Variants in PEDS1 observed in about 807,000 individuals in gnomAD.
PEDS1 encodes the protein CarF homolog.
In PEDS1, 14 loss-of-function variants were observed where a neutral mutation model predicts 35.2. That is an observed-to-expected ratio of 0.40 (90% CI 0.26 to 0.62). PEDS1 has a LOEUF of 0.62. Ranked by LOEUF, PEDS1 falls within the 20% of genes least tolerant of loss-of-function variation. The pLI is 0.44. For missense variants in PEDS1, 260 were observed against 367.8 expected, an observed-to-expected ratio of 0.71 and a Z score of 2.40; for synonymous variants, 152 against 152.0, an observed-to-expected ratio of 1.00 and a Z score of 0.00.
At chr20:50,130,793 A>T in intron 3 of PEDS1, 63 bp downstream of exon 3, 3 of 1,585,586 alleles carry the variant, frequency 1.9e-6, no homozygotes, top group Non-Finnish European at 2.6e-6. Context: ...AAGAAAGGGG[A>T]CTCACTCAAG....
intron 5 of PEDS1, 87 bp downstream of exon 5, chr20:50,127,888 C>G (rs757169741): frequency 2.8e-5 from 42 of 1,524,486 alleles, no homozygotes; most frequent in Non-Finnish European, 3.7e-5. Context: ...TGTGTGACCT[C>G]CTGCTGTGAT....
chr20:50,133,570 G>A (rs2081201359), intron 2 of PEDS1, among the ~76,000 whole-genome samples: 1 of 152,170 alleles, frequency 6.6e-6, no homozygotes, highest in Admixed American at 6.5e-5. Context: ...GGGCAGGGGC[G>A]GGGATGTAGA....
At chr20:50,153,463 G>A in intron 1 of PEDS1, 54 bp downstream of exon 1, 7 of 1,276,910 alleles carry the variant, frequency 5.5e-6, no homozygotes, top group Non-Finnish European at 7.0e-6. Context: ...TGGGGTCGCT[G>A]TCCGCAGCCG....
chr20:50,130,715 C>T, intron 3 of PEDS1, 141 bp downstream of exon 3: 1 of 1,065,824 alleles, frequency 9.4e-7, no homozygotes. Context: ...TCTAGTCTTG[C>T]AGCACAGGGG....
chr20:50,148,462 T>C (rs1211989311), intron 1 of PEDS1, among the ~76,000 whole-genome samples: 1 of 152,176 alleles, frequency 6.6e-6, no homozygotes, highest in Non-Finnish European at 1.5e-5. Context: ...GCCCCTGGCT[T>C]GGCAGGGTTT....
rs1218386212 is a variant in PEDS1 at position 50,122,086 on chromosome 20, T to G, written c.*2972A>C. ...TGAGAGCCTGCCCTGGGACTTCCAC[T>G]GCAACTACTGGGAATGCACTTTCCA... is the stretch of plus-strand genomic sequence containing the variant. On this transcript the variant is annotated 3_prime_UTR_variant, in exon 6 of 6. Transcript: ENST00000371652. The G allele has an allele frequency of 6.6e-6, 1 of 152,250 alleles. No individual in the cohort carries two copies. Among genetic ancestry groups the G allele is most frequent in the African/African-American group, 2.4e-5 (1 of 41,462 alleles). 9.4% of individuals were successfully genotyped at this position (152,250 alleles called of 1,614,324 possible). A position where few individuals can be genotyped will look rare whatever the true frequency, so the allele number is the denominator to read the frequency against.
chr20:50,134,446 C>T (rs868131835), intron 2 of PEDS1, among the ~76,000 whole-genome samples: 2 of 152,208 alleles, frequency 1.3e-5, no homozygotes, highest in African/African-American at 4.8e-5. Context: ...ACTCAGGAGG[C>T]TGAGGCAGGA....
intron 1 of PEDS1, chr20:50,151,271 C>T (rs1468523914): frequency 7.7e-7 from 1 of 1,304,342 alleles, no homozygotes. Context: ...AGGCTGTCTG[C>T]AGACTCTGAT....
chr20:50,132,178 G>C (rs1184717281), intron 2 of PEDS1, among the ~76,000 whole-genome samples: 1 of 152,220 alleles, frequency 6.6e-6, no homozygotes, highest in East Asian at 1.9e-4. Flanking sequence ...ACTCCTGCCT[G>C]GCCAACAGAG....
intron 2 of PEDS1, among the ~76,000 whole-genome samples, chr20:50,135,658 CAAAA>C (rs34069451): frequency 1.3e-4 from 5 of 37,854 alleles, no homozygotes; most frequent in Non-Finnish European, 2.4e-4. Flanking sequence ...AACTCCATCT[CAAAA>C]AAAAAAAAAA....
chr20:50,141,040 G>A (rs1034998539), intron 2 of PEDS1, among the ~76,000 whole-genome samples: 25 of 152,156 alleles, frequency 1.6e-4, no homozygotes, highest in African/African-American at 5.6e-4. Flanking sequence ...GGGAGATAGT[G>A]ACCTACCTGG....
chr20:50,126,823 T>C (rs1040377044), intron 5 of PEDS1, among the ~76,000 whole-genome samples: 1 of 152,204 alleles, frequency 6.6e-6, no homozygotes, highest in Non-Finnish European at 1.5e-5. Flanking sequence ...TTTCCCTTCC[T>C]CCACTGCACT....
At chr20:50,133,853 A>G (rs1218786139) in intron 2 of PEDS1, among the ~76,000 whole-genome samples, 1 of 152,208 alleles carries the variant, frequency 6.6e-6, no homozygotes, top group Non-Finnish European at 1.5e-5. Flanking sequence ...GGAGAAGTTG[A>G]ACCACTGCCT....
At position 50,118,909 on chromosome 20, in the gene PEDS1, C is replaced by G. The variant is rs1443381916; in HGVS notation, c.*6149G>C. On this transcript the variant is annotated 3_prime_UTR_variant, in exon 6 of 6. Transcript: ENST00000371652. The stretch of plus-strand genomic sequence containing the variant: ...TACAGGCGTGAGCTACCACACCCAG[C>G]CACATTTTTACATGTGAACTTCTGA... 6.6e-6 allele frequency: 1 copy of G among 152,146 alleles called. No individual in the cohort carries two copies. The highest frequency in any genetic ancestry group is 2.4e-5 in the African/African-American group (1 of 41,422). The allele number at this position is 152,146 out of a possible 1,614,324, so 9.4% of individuals were successfully genotyped here.
At chr20:50,139,201 G>A (rs1360540742) in intron 2 of PEDS1, among the ~76,000 whole-genome samples, 1 of 152,044 alleles carries the variant, frequency 6.6e-6, no homozygotes, top group South Asian at 2.1e-4. Context: ...CCCTCTGCCC[G>A]GAAGGCTTCT....
rs1297452201 is a variant in PEDS1 at position 50,122,961 on chromosome 20, G to T, written c.*2097C>A. ...AAAAAAAAAAAAAATAGCCAAGCCA[G>T]GTGTGGCGGCATGTGCTAGTCCCAG... On this transcript the variant is annotated 3_prime_UTR_variant, in exon 6 of 6. Transcript: ENST00000371652. 1 of 151,468 alleles carries T rather than the reference G, an allele frequency of 6.6e-6. No individual in the cohort carries two copies. The highest frequency in any genetic ancestry group is 1.9e-4 in the East Asian group (1 of 5,176). The allele number at this position is 151,468 out of a possible 1,614,324, so 9.4% of individuals were successfully genotyped here. A position where few individuals can be genotyped will look rare whatever the true frequency, so the allele number is the denominator to read the frequency against.
At chr20:50,150,840 G>T (rs1199997787) in intron 1 of PEDS1, among the ~76,000 whole-genome samples, 1 of 151,890 alleles carries the variant, frequency 6.6e-6, no homozygotes, top group Non-Finnish European at 1.5e-5. Flanking sequence ...GGATTACAGG[G>T]GCCTGCCACC....
Position 50,130,284 on chromosome 20 carries a change from GAGA to G in PEDS1, c.333+569_333+571del, listed in dbSNP as rs1356598967. Among the ~76,000 whole-genome samples, 6 of 152,316 alleles carry G rather than the reference GAGA, an allele frequency of 3.9e-5. No individual in the cohort carries two copies. The South Asian group carries it at 6.2e-4, about 16-fold the overall frequency. Reference sequence around the variant, plus strand: ...AGGAGAAATGCTGTTCTCCTGGAAGGAGAAGGACAGTTCTCTTTTCTTGGGAGC... The same window carrying G: ...AGGAGAAATGCTGTTCTCCTGGAAGGAGGACAGTTCTCTTTTCTTGGGAGC... On this transcript the variant is annotated intron_variant, in intron 3 of 5. Coordinates refer to ENST00000371652, the MANE Select transcript of PEDS1 (RefSeq NM_199129.4).
At chr20:50,126,955 CCTCCCTCTTCCACTGCTCTGCCCGCTT>C (rs1220143815) in intron 5 of PEDS1, among the ~76,000 whole-genome samples, 51 of 152,300 alleles carry the variant, frequency 3.3e-4, no homozygotes, top group South Asian at 1.2e-3. Context: ...CCCCTTCTCT[CCTCCCTCTTCCACTGCTCTGCCCGCTT>C]CTCCCTCTTC....
Sources: allele counts gnomAD v4.1 joint callset (sites outside exome capture counted in the v4.1 genomes callset), GRCh38; gene constraint gnomAD v4.1.1; transcripts MANE v1.5; gene names NCBI Gene and HGNC (gene_info 2026-07-23, HGNC 2026-07-21).